Variants in SCML4 observed in about 807,000 individuals in gnomAD.
The protein encoded by SCML4 is Scm polycomb group protein like 4.
In SCML4, 34 loss-of-function variants were observed where a neutral mutation model predicts 41.1. The observed-to-expected ratio is 0.83, with a 90% CI of 0.63 to 1.10. The LOEUF (loss-of-function observed/expected upper bound fraction) is 1.10, where lower values mean the gene tolerates loss of function less well. Ranked by LOEUF, SCML4 falls within the 50% of genes least tolerant of loss-of-function variation. SCML4 has a pLI of 0.00. For synonymous variants in SCML4, 214 were observed against 220.9 expected (o/e 0.97, Z 0.28); for missense variants, 522 against 534.1 (o/e 0.98, Z 0.22).
chr6:107,711,664 C>T (rs751506973), intron 6 of SCML4, among the ~76,000 whole-genome samples: 2 of 152,100 alleles, frequency 1.3e-5, no homozygotes, highest in Admixed American at 6.5e-5. Flanking sequence ...GACACAGTCT[C>T]GGTAACTTAT....
chr6:107,742,780 T>C (rs1562206526), intron 5 of SCML4, among the ~76,000 whole-genome samples: 1 of 151,584 alleles, frequency 6.6e-6, no homozygotes, highest in Non-Finnish European at 1.5e-5. Flanking sequence ...ATCACAGGCA[T>C]CTTACAAGAA....
chr6:107,726,372 A>T (rs1775971803), intron 5 of SCML4, among the ~76,000 whole-genome samples: 1 of 151,752 alleles, frequency 6.6e-6, no homozygotes, highest in East Asian at 2.0e-4. Flanking sequence ...TCTCTACTAA[A>T]AATACAAAAA....
intron 1 of SCML4, among the ~76,000 whole-genome samples, chr6:107,811,075 A>C (rs1784126618): frequency 6.6e-6 from 1 of 152,212 alleles, no homozygotes; most frequent in South Asian, 2.1e-4. Flanking sequence ...GAAAGGCCAC[A>C]TAAGGACAGT....
intron 6 of SCML4, among the ~76,000 whole-genome samples, chr6:107,717,416 A>G (rs1328019470): frequency 6.6e-6 from 1 of 152,212 alleles, no homozygotes; most frequent in East Asian, 1.9e-4. Flanking sequence ...GATACATCAC[A>G]TAGCAGCTTT....
At chr6:107,731,488 A>AC (rs1434621122) in intron 5 of SCML4, among the ~76,000 whole-genome samples, 1 of 151,504 alleles carries the variant, frequency 6.6e-6, no homozygotes, top group Non-Finnish European at 1.5e-5. Context: ...TCTCTCTCTC[A>AC]CCCCCCACTT....
intron 1 of SCML4, among the ~76,000 whole-genome samples, chr6:107,815,390 T>A (rs987798947): frequency 1.3e-5 from 2 of 152,206 alleles, no homozygotes; most frequent in Non-Finnish European, 2.9e-5. Flanking sequence ...GACTAACTTA[T>A]TTTACAAAAA....
rs1455668351 is a variant in SCML4 at position 107,720,922 on chromosome 6, CGGA to C, written c.751_753del (p.Ser251del). 6.2e-7 allele frequency: 1 copy of C among 1,613,920 alleles called. No homozygotes were observed. The highest frequency in any genetic ancestry group is 2.2e-5 in the East Asian group (1 of 44,892). ...GAGCCCCTGTGGTTAAAGGTGGAGG[CGGA>C]GGTGTCCACGCTGTAGCGGTTCATG... On this transcript the variant is annotated inframe_deletion, in exon 6 of 8. Coordinates refer to ENST00000369020, the MANE Select transcript of SCML4 (RefSeq NM_198081.5).
intron 1 of SCML4, among the ~76,000 whole-genome samples, chr6:107,812,889 A>ACACG (rs1411461338): frequency 1.3e-5 from 2 of 150,346 alleles, no homozygotes; most frequent in African/African-American, 4.9e-5. Context: ...ATACACACAC[A>ACACG]CACACACACA....
In SCML4 at chr6:107,785,816, C is replaced by T. The variant is rs115336801; in HGVS notation, c.-59-13430G>A. Among the ~76,000 whole-genome samples, 1,267 of 152,136 alleles carry T rather than the reference C, an allele frequency of 8.3e-3. 16 individuals carry two copies. The highest frequency in any genetic ancestry group is 0.028 in the African/African-American group (1,174 of 41,476). On this transcript the variant is annotated intron_variant, in intron 1 of 7. Transcript: ENST00000369020. ...GATAATGACCTAAGAGCCCAGGATGCTCAGAAAAAAAGAGAGGTCCTACGA... is the reference window on the plus strand; with the variant it reads ...GATAATGACCTAAGAGCCCAGGATGTTCAGAAAAAAAGAGAGGTCCTACGA...
chr6:107,755,720 C>T (rs1252185215), intron 2 of SCML4: 2 of 827,546 alleles, frequency 2.4e-6, no homozygotes, highest in Non-Finnish European at 3.3e-6. Flanking sequence ...AAATAAAACA[C>T]AGTTCTGATA....
chr6:107,818,464 A>T (rs1394295971), intron 1 of SCML4, among the ~76,000 whole-genome samples: 1 of 152,246 alleles, frequency 6.6e-6, no homozygotes, highest in Non-Finnish European at 1.5e-5. Flanking sequence ...TCTCTTTGGA[A>T]TCAACAGCAT....
upstream of SCML4, among the ~76,000 whole-genome samples, chr6:107,827,775 G>C (rs1193140430): frequency 6.6e-6 from 1 of 152,206 alleles, no homozygotes; most frequent in African/African-American, 2.4e-5. Context: ...GAGGCAACCA[G>C]AGGGAGCAAG....
chr6:107,817,188 C>T (rs1784602175), intron 1 of SCML4, among the ~76,000 whole-genome samples: 2 of 152,078 alleles, frequency 1.3e-5, no homozygotes, highest in African/African-American at 4.8e-5. Context: ...GATTTCTAAA[C>T]AATTATACTT....
intron 1 of SCML4, among the ~76,000 whole-genome samples, chr6:107,802,683 TC>T (rs1783271149): frequency 3.8e-5 from 4 of 104,110 alleles, no homozygotes; most frequent in African/African-American, 2.1e-4. Flanking sequence ...CCTCTCCCTC[TC>T]CCTCCCCCTC....
rs1321916871 is a variant in SCML4 at position 107,717,172 on chromosome 6, A to AAAAAAT, written c.973+3530_973+3531insATTTTT. Among the ~76,000 whole-genome samples, 17 of 112,764 alleles carry AAAAAAT rather than the reference A, an allele frequency of 1.5e-4. 1 individual carries two copies. The highest frequency in any genetic ancestry group is 4.6e-4 in the African/African-American group (13 of 28,528). 74.0% of individuals were successfully genotyped at this position (112,764 alleles called of 152,430 possible). On this transcript the variant is annotated intron_variant, in intron 6 of 7. Coordinates refer to ENST00000369020, the MANE Select transcript of SCML4 (RefSeq NM_198081.5). ...AAAAAAAAAAAAAAAAAAAAAAAAA[A>AAAAAAT]AGCCAGGTGTGGTGGCAGGCACCTG...
upstream of SCML4, among the ~76,000 whole-genome samples, chr6:107,828,293 T>C (rs17589264): frequency 0.37 from 55,614 of 152,058 alleles, 12,528 homozygotes; most frequent in East Asian, 0.58. Flanking sequence ...GGTGAAATCA[T>C]TGACTTTCTA....
At chr6:107,713,902 A>G (rs1774484819) in intron 6 of SCML4, among the ~76,000 whole-genome samples, 1 of 152,232 alleles carries the variant, frequency 6.6e-6, no homozygotes, top group South Asian at 2.1e-4. Flanking sequence ...CGATTATGGC[A>G]AAATCACATG....
chr6:107,799,965 C>CTT (rs1318508281), intron 1 of SCML4, among the ~76,000 whole-genome samples: 3,476 of 141,356 alleles, frequency 0.025, 138 homozygotes, highest in African/African-American at 0.083. Context: ...GGATATGTTC[C>CTT]TTTTTTTTTT....
upstream of SCML4, among the ~76,000 whole-genome samples, chr6:107,827,242 A>G (rs1014574700): frequency 2.1e-5 from 3 of 145,802 alleles, no homozygotes; most frequent in Non-Finnish European, 4.6e-5. Context: ...TTTTATTTAA[A>G]TATATTTACA....
Sources: gnomAD v4.1 joint callset for allele counts (sites outside exome capture counted in the v4.1 genomes callset) on GRCh38, gnomAD v4.1.1 for gene constraint, MANE v1.5 for transcripts, NCBI Gene and HGNC (gene_info 2026-07-23, HGNC 2026-07-21) for gene names.